Variants in SPATA17 observed in about 807,000 individuals in gnomAD.
SPATA17 encodes the protein spermatogenesis-associated protein 17.
Under a neutral mutation model 62.2 loss-of-function variants are expected in SPATA17, and 53 were observed. The observed-to-expected ratio is 0.85, with a 90% CI of 0.68 to 1.07. The LOEUF (loss-of-function observed/expected upper bound fraction) is 1.07, where lower values mean the gene tolerates loss of function less well. Among genes scored for constraint, SPATA17 ranks in the 50% least tolerant of loss-of-function variants. The pLI, the probability that SPATA17 is intolerant of heterozygous loss-of-function variation, is 0.00. For missense variants in SPATA17, 466 were observed against 425.5 expected, an observed-to-expected ratio of 1.10 and a Z score of -0.84; for synonymous variants, 146 against 146.8, an observed-to-expected ratio of 0.99 and a Z score of 0.04.
intron 6 of SPATA17, among the ~76,000 whole-genome samples, chr1:217,760,768 A>T (rs148589565): frequency 4.6e-5 from 7 of 152,196 alleles, no homozygotes; most frequent in African/African-American, 1.4e-4. Flanking sequence ...TTTTTCTTTC[A>T]GCACCAAATT....
chr1:217,819,304 T>C (rs1224283852), intron 9 of SPATA17, among the ~76,000 whole-genome samples: 1 of 151,974 alleles, frequency 6.6e-6, no homozygotes, highest in East Asian at 1.9e-4. Flanking sequence ...GTTTCTTTAA[T>C]AAAATAATGT....
chr1:217,774,238 T>C (rs1673530714), intron 6 of SPATA17, 96 bp from the exon 7 acceptor site: 3 of 1,030,344 alleles, frequency 2.9e-6, no homozygotes, highest in Admixed American at 5.3e-5. Context: ...GTTTAAAATA[T>C]TCTTTAAACA....
intron 4 of SPATA17, among the ~76,000 whole-genome samples, chr1:217,679,643 G>A (rs562600938): frequency 1.6e-3 from 249 of 152,276 alleles, no homozygotes; most frequent in Non-Finnish European, 2.6e-3. Flanking sequence ...TTGAATAAAA[G>A]GAATTATCTT....
chr1:217,779,182 GGAGA>G (rs1033106732), intron 7 of SPATA17, among the ~76,000 whole-genome samples: 1 of 150,056 alleles, frequency 6.7e-6, no homozygotes, highest in African/African-American at 2.5e-5. Flanking sequence ...GTCTGTGTAT[GGAGA>G]GAGAGAAATA....
intron 4 of SPATA17, among the ~76,000 whole-genome samples, chr1:217,673,181 T>G (rs1223271853): frequency 6.6e-6 from 1 of 152,136 alleles, no homozygotes; most frequent in Non-Finnish European, 1.5e-5. Context: ...AAATTTAGTT[T>G]GTGCAGTTCG....
intron 9 of SPATA17, among the ~76,000 whole-genome samples, chr1:217,813,427 A>T (rs1352989350): frequency 6.6e-6 from 1 of 152,206 alleles, no homozygotes; most frequent in Non-Finnish European, 1.5e-5. Context: ...GATTGGGATA[A>T]AATATGCCTT....
intron 9 of SPATA17, among the ~76,000 whole-genome samples, chr1:217,841,141 G>A (rs1181261520): frequency 1.3e-5 from 2 of 151,742 alleles, no homozygotes; most frequent in Non-Finnish European, 2.9e-5. Flanking sequence ...TTACCATGAA[G>A]CATCTATGAA....
chr1:217,780,147 G>A (rs1232597877), intron 7 of SPATA17, among the ~76,000 whole-genome samples: 1 of 151,932 alleles, frequency 6.6e-6, no homozygotes, highest in Non-Finnish European at 1.5e-5. Context: ...CAAAACCTGG[G>A]TTCCCATGTC....
chr1:217,747,937 A>G (rs1331324875), intron 6 of SPATA17, among the ~76,000 whole-genome samples: 1 of 152,202 alleles, frequency 6.6e-6, no homozygotes, highest in Non-Finnish European at 1.5e-5. Context: ...GAGGAAGCCA[A>G]AATGGTTTCA....
intron 5 of SPATA17, among the ~76,000 whole-genome samples, chr1:217,717,472 G>A (rs185706315): frequency 3.9e-5 from 6 of 152,148 alleles, no homozygotes; most frequent in African/African-American, 1.2e-4. Context: ...ATTAGCTGGC[G>A]AGGTGGTGGG....
In SPATA17 at chr1:217,705,490, G is replaced by C. The variant is rs145917890; in HGVS notation, c.395+22129G>C. Among the ~76,000 whole-genome samples, 796 of 129,260 alleles carry C rather than the reference G, an allele frequency of 6.2e-3. 9 individuals are homozygous for C. The highest frequency in any genetic ancestry group is 0.022 in the African/African-American group (734 of 33,418). 84.8% of individuals were successfully genotyped at this position (129,260 alleles called of 152,430 possible). ...GGAGTCTCGCTCCATCACCAGGCTG[G>C]AGTGCAGTGGAGCAATCTTGGTTCA... On this transcript the variant is annotated intron_variant, in intron 5 of 10. Coordinates refer to ENST00000366933, the MANE Select transcript of SPATA17 (RefSeq NM_138796.4).
intron 9 of SPATA17, among the ~76,000 whole-genome samples, chr1:217,838,895 T>C (rs1186036350): frequency 6.6e-6 from 1 of 152,124 alleles, no homozygotes; most frequent in Admixed American, 6.6e-5. Flanking sequence ...CATAGAAGTA[T>C]ATGAAATCAC....
intron 6 of SPATA17, among the ~76,000 whole-genome samples, chr1:217,763,259 G>T (rs1673215817): frequency 6.6e-6 from 1 of 152,150 alleles, no homozygotes; most frequent in Admixed American, 6.5e-5. Flanking sequence ...AAAATGAAAA[G>T]GGTCCCATGA....
chr1:217,842,740 A>G (rs1464227327), intron 9 of SPATA17, among the ~76,000 whole-genome samples: 12 of 151,846 alleles, frequency 7.9e-5, no homozygotes. Flanking sequence ...TTTTTCATGG[A>G]ATGATCATTT....
chr1:217,770,978 ATTTTTTTTTTTTTT>A lies in SPATA17; in HGVS notation c.520-3339_520-3326del, dbSNP rs374042087. On this transcript the variant is annotated intron_variant, in intron 6 of 10. Coordinates refer to ENST00000366933, the MANE Select transcript of SPATA17 (RefSeq NM_138796.4). ...ATGTATCTATTATATAACTCATTGC[ATTTTTTTTTTTTTT>A]TTTTTTTTTTTTTTTTGCCTTTTGA... Among the ~76,000 whole-genome samples, 110 of 50,166 alleles carry A rather than the reference ATTTTTTTTTTTTTT, an allele frequency of 2.2e-3. 1 individual carries two copies. The highest frequency in any genetic ancestry group is 8.0e-3 in the African/African-American group (93 of 11,572). The allele number at this position is 50,166 out of a possible 152,430, so 32.9% of individuals were successfully genotyped here.
At chr1:217,706,086 C>G (rs988160572) in intron 5 of SPATA17, among the ~76,000 whole-genome samples, 4 of 152,132 alleles carry the variant, frequency 2.6e-5, no homozygotes, top group African/African-American at 7.2e-5. Context: ...TTTTGTAGCA[C>G]TACCATGCTG....
chr1:217,816,546 T>A (rs1451877358), intron 9 of SPATA17, among the ~76,000 whole-genome samples: 1 of 151,786 alleles, frequency 6.6e-6, no homozygotes, highest in Non-Finnish European at 1.5e-5. Context: ...ACACATAGCA[T>A]AATGAAAAAT....
At chr1:217,722,045 T>C (rs1053029673) in intron 5 of SPATA17, among the ~76,000 whole-genome samples, 2 of 152,214 alleles carry the variant, frequency 1.3e-5, no homozygotes, top group African/African-American at 4.8e-5. Flanking sequence ...TTTTACTTTT[T>C]CCAGCTCCTC....
At chr1:217,679,724 A>C (rs188768944) in intron 4 of SPATA17, among the ~76,000 whole-genome samples, 29 of 152,314 alleles carry the variant, frequency 1.9e-4, no homozygotes, top group African/African-American at 6.5e-4. Context: ...TTCTGAAAGC[A>C]TACCAGTTGT....
Sources: allele counts gnomAD v4.1 joint callset (sites outside exome capture counted in the v4.1 genomes callset), GRCh38; gene constraint gnomAD v4.1.1; transcripts MANE v1.5; gene names NCBI Gene and HGNC (gene_info 2026-07-23, HGNC 2026-07-21).